Variants in PLEKHF2 observed in about 807,000 individuals in gnomAD.
PLEKHF2 encodes the protein pleckstrin homology and FYVE domain containing 2.
Under a neutral mutation model 14.7 loss-of-function variants are expected in PLEKHF2, and 4 were observed. The observed-to-expected ratio is 0.27, with a 90% CI of 0.13 to 0.62. The LOEUF is 0.62. Among genes scored for constraint, PLEKHF2 ranks in the 20% least tolerant of loss-of-function variants. The pLI, the probability that PLEKHF2 is intolerant of heterozygous loss-of-function variation, is 0.85. For missense variants in PLEKHF2, 201 were observed against 307.7 expected (o/e 0.65, Z 2.60); for synonymous variants, 90 against 103.5 (o/e 0.87, Z 0.79).
At position 95,154,355 on chromosome 8, in the gene PLEKHF2, C is replaced by G; in HGVS notation, c.311C>G (p.Thr104Arg). 3 of 1,614,000 alleles carry G rather than the reference C, an allele frequency of 1.9e-6. No homozygotes were observed. Among genetic ancestry groups the G allele is most frequent in the Non-Finnish European group, 2.5e-6 (3 of 1,179,914 alleles). ...GDLRNGWLIK[T>R]PTKSFAVYAA... is the part of the protein sequence containing the mutation. The stretch of plus-strand genomic sequence containing the variant: ...TTAAGGAATGGATGGCTAATCAAGA[C>G]ACCAACTAAATCTTTTGCAGTTTAT... The change falls in exon 2 of 2, where the codon ACA (threonine) becomes AGA (arginine). Residue 104 changes from threonine to arginine, a missense_variant. Transcript: ENST00000315367. The surrounding 1 kb of genome is among the most constrained non-coding windows in gnomAD (Gnocchi z 5.6).
At chr8:95,152,020 T>C (rs1228255990) in intron 1 of PLEKHF2, among the ~76,000 whole-genome samples, 1 of 152,132 alleles carries the variant, frequency 6.6e-6, no homozygotes, top group Non-Finnish European at 1.5e-5. Context: ...TATGCTGTGG[T>C]TTAATTGGCA....
chr8:95,141,582 G>A (rs1810439985), intron 1 of PLEKHF2, among the ~76,000 whole-genome samples: 1 of 152,052 alleles, frequency 6.6e-6, no homozygotes, highest in Admixed American at 6.5e-5. Context: ...CTGGAGTGCA[G>A]TGGCACGATC....
At chr8:95,145,138 A>G (rs1316628629) in intron 1 of PLEKHF2, among the ~76,000 whole-genome samples, 1 of 152,060 alleles carries the variant, frequency 6.6e-6, no homozygotes, top group Non-Finnish European at 1.5e-5. Flanking sequence ...TGCCTATGAG[A>G]GATTTAAAGG....
intron 1 of PLEKHF2, among the ~76,000 whole-genome samples, chr8:95,146,262 G>A (rs568289289): frequency 1.3e-5 from 2 of 152,156 alleles, no homozygotes; most frequent in South Asian, 4.1e-4. Flanking sequence ...TTTAGTGTCT[G>A]AACCAAGATT....
chr8:95,136,329 TATATACAC>T (rs1426250537), intron 1 of PLEKHF2, among the ~76,000 whole-genome samples: 798 of 63,066 alleles, frequency 0.013, 8 homozygotes, highest in African/African-American at 0.055. Flanking sequence ...GTTTTTATTA[TATATACAC>T]ACACACACAC....
At chr8:95,142,301 CTGCAGTGCAGTGG>C (rs2132106558) in intron 1 of PLEKHF2, among the ~76,000 whole-genome samples, 1 of 152,258 alleles carries the variant, frequency 6.6e-6, no homozygotes, top group Admixed American at 6.5e-5. Flanking sequence ...GTGGTCCAGG[CTGCAGTGCAGTGG>C]TGCAGTCATG....
At chr8:95,145,347 G>A (rs1563882868) in intron 1 of PLEKHF2, among the ~76,000 whole-genome samples, 1 of 152,162 alleles carries the variant, frequency 6.6e-6, no homozygotes, top group African/African-American at 2.4e-5. Context: ...ATGCTGGTGG[G>A]AAGGGACAGA....
chr8:95,136,361 CACACACACACACAT>C (rs1441504810), intron 1 of PLEKHF2, among the ~76,000 whole-genome samples: 10 of 151,642 alleles, frequency 6.6e-5, no homozygotes, highest in South Asian at 2.1e-4. Context: ...CACACACACA[CACACACACACACAT>C]GTTTTGTTGT....
Position 95,154,901 on chromosome 8 carries a change from G to A in PLEKHF2, c.*107G>A, listed in dbSNP as rs1283066853. 106 of 1,405,248 alleles carry A rather than the reference G, an allele frequency of 7.5e-5. 1 individual carries two copies. In the South Asian group the frequency reaches 1.4e-3, roughly 18 times the overall value. 87.0% of individuals were successfully genotyped at this position (1,405,248 alleles called of 1,614,324 possible). On this transcript the variant is annotated 3_prime_UTR_variant, in exon 2 of 2. Coordinates refer to ENST00000315367, the MANE Select transcript of PLEKHF2 (RefSeq NM_024613.4). This position sits in a 1 kb window ranked among gnomAD's most constrained non-coding sequence, Gnocchi z 5.6. ...TCTGTTTTGTTCTAGCCATGAATTT[G>A]CCTGAGAAACTTGTAACCTATGTGC... is the stretch of plus-strand genomic sequence containing the variant.
rs991863541 is a variant in PLEKHF2, at chr8:95,155,905, T to G, written c.*1111T>G. 1.2e-5 allele frequency: 2 copies of G among 167,096 alleles called. No homozygotes were observed. The highest frequency in any genetic ancestry group is 2.9e-5 in the Non-Finnish European group (2 of 68,110). The allele number at this position is 167,096 out of a possible 1,614,324, so 10.4% of individuals were successfully genotyped here. On this transcript the variant is annotated 3_prime_UTR_variant, in exon 2 of 2. Transcript: ENST00000315367. Reference sequence around the variant, plus strand: ...GAATTTGCAAATATAGTGTTATATTTTATAAAGTTTTGTAAAATCCCAAAC... The same window carrying G: ...GAATTTGCAAATATAGTGTTATATTGTATAAAGTTTTGTAAAATCCCAAAC...
Position 95,153,694 on chromosome 8 carries a change from T to C in PLEKHF2, c.-14-337T>C, listed in dbSNP as rs150561842. ...TGTTCAGAATCCCATTGAGATTACATTTCATTGAATGGGGTTTATTATTTT... is the reference window on the plus strand; with the variant it reads ...TGTTCAGAATCCCATTGAGATTACACTTCATTGAATGGGGTTTATTATTTT... On this transcript the variant is annotated intron_variant, in intron 1 of 1. Coordinates refer to ENST00000315367, the MANE Select transcript of PLEKHF2 (RefSeq NM_024613.4). Among the ~76,000 whole-genome samples the C allele has an allele frequency of 6.6e-5, 10 of 152,364 alleles. No individual in the cohort carries two copies. The East Asian group carries it at 1.9e-3, about 29-fold the overall frequency.
intron 1 of PLEKHF2, among the ~76,000 whole-genome samples, chr8:95,140,651 C>G (rs1156869778): frequency 6.6e-6 from 1 of 152,180 alleles, no homozygotes; most frequent in African/African-American, 2.4e-5. Flanking sequence ...CATCCCCAAA[C>G]CCCAGATAGT....
rs138155083 is a variant in PLEKHF2, at chr8:95,139,116, G to C, written c.-15+5086G>C. ...TGAGTGTCATTTTTTAAATTTACTG[G>C]TCATTTTCATTTTTTTAAAATTGAC... is the stretch of plus-strand genomic sequence containing the variant. On this transcript the variant is annotated intron_variant, in intron 1 of 1. Transcript: ENST00000315367. Among the ~76,000 whole-genome samples the C allele has an allele frequency of 9.2e-4, 140 of 152,148 alleles. 3 individuals carry two copies. In the East Asian group the frequency reaches 0.02, roughly 22 times the overall value.
Position 95,152,007 on chromosome 8 carries a change from C to T in PLEKHF2, c.-14-2024C>T, listed in dbSNP as rs1044379947. On this transcript the variant is annotated intron_variant, in intron 1 of 1. Transcript: ENST00000315367. ...TATTTGAAATTGGTCTTATAATCAA[C>T]GGTATGCTGTGGTTTAATTGGCAAC... Among the ~76,000 whole-genome samples, 53 of 151,958 alleles carry T rather than the reference C, an allele frequency of 3.5e-4. 2 individuals carry two copies. Among genetic ancestry groups the T allele is most frequent in the Admixed American group, 3.0e-3 (45 of 15,248 alleles).
chr8:95,139,594 A>AT (rs11455908), intron 1 of PLEKHF2, among the ~76,000 whole-genome samples: 12,264 of 151,990 alleles, frequency 0.081, 595 homozygotes, highest in African/African-American at 0.13. Flanking sequence ...TAGGTAGTAA[A>AT]TTTTTTCTTT....
chr8:95,152,530 G>T (rs1810574748), intron 1 of PLEKHF2, among the ~76,000 whole-genome samples: 1 of 151,900 alleles, frequency 6.6e-6, no homozygotes. Context: ...CTCTTTTCCT[G>T]TTTATTAGCC....
At chr8:95,135,545 A>C (rs1382809415) in intron 1 of PLEKHF2, among the ~76,000 whole-genome samples, 2 of 152,108 alleles carry the variant, frequency 1.3e-5, no homozygotes, top group African/African-American at 4.8e-5. Flanking sequence ...GGACTACAGG[A>C]GCGCATCACC....
chr8:95,143,707 A>G (rs1415918734), intron 1 of PLEKHF2, among the ~76,000 whole-genome samples: 2 of 152,216 alleles, frequency 1.3e-5, no homozygotes, highest in Non-Finnish European at 2.9e-5. Flanking sequence ...TGGTTTGACT[A>G]TAACAGAGAA....
chr8:95,153,396 A>T (rs1810582261), intron 1 of PLEKHF2, among the ~76,000 whole-genome samples: 1 of 152,160 alleles, frequency 6.6e-6, no homozygotes, highest in Non-Finnish European at 1.5e-5. Context: ...ACTTATGGTG[A>T]GGTTGGAGTG....
Sources: gnomAD v4.1 joint callset for allele counts (sites outside exome capture counted in the v4.1 genomes callset) on GRCh38, gnomAD v4.1.1 for gene constraint, Gnocchi (gnomAD v3.1) non-coding constraint, MANE v1.5 for transcripts, NCBI Gene and HGNC (gene_info 2026-07-23, HGNC 2026-07-21) for gene names.